The following ACYP2 variants were observed in gnomAD, a reference collection of about 807,000 sequenced individuals.
ACYP2 encodes acylphosphatase-2.
A neutral mutation model predicts 11.2 loss-of-function variants in ACYP2; 12 were observed. The ratio of observed to expected loss-of-function variants is 1.08; its 90% CI spans 0.69 to 1.74. The LOEUF is 1.74. Among genes scored for constraint, ACYP2 ranks in the 40% most tolerant of loss-of-function variants. ACYP2 has a pLI of 0.00. For synonymous variants in ACYP2, 43 were observed against 32.2 expected, an observed-to-expected ratio of 1.33 and a Z score of -1.13; for missense variants, 134 against 101.9, an observed-to-expected ratio of 1.31 and a Z score of -1.35.
intron 6 of ACYP2, among the ~76,000 whole-genome samples, chr2:54,189,543 C>T (rs1684148094): frequency 6.6e-6 from 1 of 152,104 alleles, no homozygotes; most frequent in South Asian, 2.1e-4. Flanking sequence ...TCTATAGATC[C>T]TATATTCTCT....
In ACYP2 at chr2:54,026,607, A is replaced by G. The variant is rs796497898; in HGVS notation, c.63-24351A>G. ...CATTATATGAAAAAGACACTTGCAC[A>G]TGCTTGTTTATAGCAGCACAATTCG... On this transcript the variant is annotated intron_variant, in intron 2 of 6. Transcript: ENST00000607452. Among the ~76,000 whole-genome samples the G allele has an allele frequency of 5.3e-5, 8 of 152,352 alleles. 1 individual carries two copies. Among genetic ancestry groups the G allele is most frequent in the African/African-American group, 1.4e-4 (6 of 41,576 alleles).
At position 54,004,909 on chromosome 2, in the gene ACYP2, A is replaced by AAAAAAAC. The variant is rs1553352355; in HGVS notation, c.62+31104_62+31110dup. Among the ~76,000 whole-genome samples, 52 of 140,376 alleles carry AAAAAAAC rather than the reference A, an allele frequency of 3.7e-4. 4 individuals carry two copies. Among genetic ancestry groups the AAAAAAAC allele is most frequent in the African/African-American group, 7.4e-4 (28 of 37,798 alleles). 92.1% of individuals were successfully genotyped at this position (140,376 alleles called of 152,430 possible). A position where few individuals can be genotyped will look rare whatever the true frequency, so the allele number is the denominator to read the frequency against. On this transcript the variant is annotated intron_variant, in intron 2 of 6. Transcript: ENST00000607452. ...GACTCTGTCTCAAAAAAAAAAAAAA[A>AAAAAAAC]AAAAAACAAAAGAAAGAAAAGAAAA... is the stretch of plus-strand genomic sequence containing the variant.
At chr2:54,008,133 C>A (rs1378118215) in intron 2 of ACYP2, among the ~76,000 whole-genome samples, 2 of 152,200 alleles carry the variant, frequency 1.3e-5, no homozygotes, top group Non-Finnish European at 2.9e-5. Context: ...GCAGTCCCTC[C>A]CTATGGTTAG....
rs565858716 is a variant in ACYP2 at position 54,132,643 on chromosome 2, C to T, written c.278-2810C>T. Among the ~76,000 whole-genome samples, 10 of 152,218 alleles carry T rather than the reference C, an allele frequency of 6.6e-5. 1 individual carries two copies. The South Asian group carries it at 8.3e-4, about 13-fold the overall frequency. On this transcript the variant is annotated intron_variant, in intron 4 of 6. Transcript: ENST00000607452. ...TGGACTCTTTGGAGATTGATCCATC[C>T]GCTGTGACTTCCCAGTGTATTTTTT...
chr2:54,123,992 G>A (rs766078142), intron 4 of ACYP2, among the ~76,000 whole-genome samples: 1 of 152,144 alleles, frequency 6.6e-6, no homozygotes, highest in African/African-American at 2.4e-5. Context: ...TGGATTTGGG[G>A]TATGCAACTA....
At chr2:54,230,749 T>C (rs547761027) in intron 6 of ACYP2, among the ~76,000 whole-genome samples, 4 of 151,690 alleles carry the variant, frequency 2.6e-5, no homozygotes, top group South Asian at 2.1e-4. Flanking sequence ...CCAGAAGATG[T>C]TGGAATTTAT....
At chr2:54,048,857 A>AGCACCTCATACCAGGCAAGGGTAGGT (rs1675669333) in intron 2 of ACYP2, among the ~76,000 whole-genome samples, 1 of 152,204 alleles carries the variant, frequency 6.6e-6, no homozygotes, top group African/African-American at 2.4e-5. Flanking sequence ...GGTTTATGAG[A>AGCACCTCATACCAGGCAAGGGTAGGT]GCACCTCATA....
chr2:54,086,851 A>G (rs902572630), intron 4 of ACYP2, among the ~76,000 whole-genome samples: 1 of 152,218 alleles, frequency 6.6e-6, no homozygotes, highest in African/African-American at 2.4e-5. Flanking sequence ...TCTTCTTCAG[A>G]TTCAAAGCAC....
intron 2 of ACYP2, among the ~76,000 whole-genome samples, chr2:54,012,858 G>A (rs1020307925): frequency 7.2e-5 from 11 of 152,042 alleles, no homozygotes; most frequent in African/African-American, 2.4e-4. Context: ...CTCGTTCAGA[G>A]TGAAAGCTGG....
chr2:54,242,296 A>G (rs1686760486), intron 6 of ACYP2, among the ~76,000 whole-genome samples: 1 of 152,194 alleles, frequency 6.6e-6, no homozygotes, highest in Non-Finnish European at 1.5e-5. Context: ...TAGATAGAAT[A>G]CCCTTTGAGA....
At chr2:54,000,665 G>C (rs1189812118) in intron 2 of ACYP2, among the ~76,000 whole-genome samples, 2 of 152,214 alleles carry the variant, frequency 1.3e-5, no homozygotes, top group South Asian at 4.1e-4. Context: ...AGAAGTTGGA[G>C]TTGCAACAGG....
chr2:54,055,707 A>G (rs1034649213), intron 3 of ACYP2, among the ~76,000 whole-genome samples: 1 of 152,204 alleles, frequency 6.6e-6, no homozygotes, highest in Admixed American at 6.5e-5. Flanking sequence ...ATAGCCAAAG[A>G]CATATTAAGC....
At chr2:54,102,617 C>G (rs1371521881) in intron 4 of ACYP2, among the ~76,000 whole-genome samples, 1 of 98,236 alleles carries the variant, frequency 1.0e-5, no homozygotes, top group Non-Finnish European at 1.9e-5. Context: ...TGATAGAAAC[C>G]CAATTTAAGC....
rs527354849 is a variant in ACYP2 at position 54,042,983 on chromosome 2, A to C, written c.63-7975A>C. On this transcript the variant is annotated intron_variant, in intron 2 of 6. Transcript: ENST00000607452. ...TCTGTCTACCTTGCTCTACATAGCC[A>C]TCAGTCCATGCGTAGCATGGCCACT... Among the ~76,000 whole-genome samples, 12 of 152,302 alleles carry C rather than the reference A, an allele frequency of 7.9e-5. No homozygotes were observed. The South Asian group carries it at 2.1e-3, about 26-fold the overall frequency.
chr2:54,277,469 G>T (rs1688648361), intron 6 of ACYP2, among the ~76,000 whole-genome samples: 1 of 152,156 alleles, frequency 6.6e-6, no homozygotes, highest in South Asian at 2.1e-4. Flanking sequence ...CATGAGGTCA[G>T]GAGTTCGAGA....
intron 6 of ACYP2, among the ~76,000 whole-genome samples, chr2:54,168,898 T>G (rs1424188165): frequency 6.6e-6 from 1 of 152,212 alleles, no homozygotes; most frequent in Non-Finnish European, 1.5e-5. Context: ...AGTGCATGCT[T>G]TCACTTAAAT....
intron 2 of ACYP2, among the ~76,000 whole-genome samples, chr2:54,028,193 C>G (rs941463005): frequency 6.6e-6 from 1 of 151,998 alleles, no homozygotes; most frequent in African/African-American, 2.4e-5. Flanking sequence ...ATTTCTCAGA[C>G]TTTTTTTGTT....
chr2:53,995,735 G>C (rs758106676), intron 2 of ACYP2, among the ~76,000 whole-genome samples: 1 of 152,012 alleles, frequency 6.6e-6, no homozygotes, highest in Non-Finnish European at 1.5e-5. Flanking sequence ...TTACAGGTGT[G>C]AGCCAGCTCG....
chr2:54,258,208 T>C (rs1687639712), intron 6 of ACYP2, among the ~76,000 whole-genome samples: 1 of 152,032 alleles, frequency 6.6e-6, no homozygotes, highest in Middle Eastern at 3.2e-3. Context: ...AGCAAGGAGA[T>C]TGAAAGTCCT....
Sources: gnomAD v4.1 joint callset for allele counts (sites outside exome capture counted in the v4.1 genomes callset) on GRCh38, gnomAD v4.1.1 for gene constraint, MANE v1.5 for transcripts, NCBI Gene and HGNC (gene_info 2026-07-23, HGNC 2026-07-21) for gene names.